Variants in ZNF831 observed in about 807,000 individuals in gnomAD.
The protein encoded by ZNF831 is chromosome 20 open reading frame 174.
ZNF831 carries 59 observed loss-of-function variants against 95.8 expected under a neutral mutation model. The ratio of observed to expected loss-of-function variants is 0.62; its 90% confidence interval spans 0.50 to 0.77. ZNF831 has a LOEUF of 0.77. ZNF831 is among the 30% of genes least tolerant of loss of function. The probability of loss-of-function intolerance (pLI) is 0.00; values close to 1 mark genes in which losing one functional copy is unlikely to be tolerated. For synonymous variants in ZNF831, 961 were observed against 925.5 expected (o/e 1.04, Z -0.70); for missense variants, 2,205 against 2,164.0 (o/e 1.02, Z -0.38).
chr20:59,244,769 G>A lies in ZNF831; in HGVS notation c.4028-8209G>A, dbSNP rs572632833. ...AATTCTTTTCTTCTTAATATGTTTT[G>A]TATATAACTCTAGGCCGATACGTAT... On this transcript the variant is annotated intron_variant, in intron 4 of 5. Coordinates refer to ENST00000371030, the MANE Select transcript of ZNF831 (RefSeq NM_178457.3). Among the ~76,000 whole-genome samples, 25 of 152,246 alleles carry A rather than the reference G, an allele frequency of 1.6e-4. 2 individuals carry two copies. The South Asian group carries it at 5.2e-3, about 32-fold the overall frequency.
chr20:59,192,161 C>CG lies in ZNF831; in HGVS notation c.1146dup (p.Pro383AlafsTer73). The CG allele has an allele frequency of 1.3e-6, 2 of 1,559,232 alleles. No individual in the cohort carries two copies. Among genetic ancestry groups the CG allele is most frequent in the Non-Finnish European group, 1.7e-6 (2 of 1,158,718 alleles). The stretch of plus-strand genomic sequence containing the variant: ...TCCGAGGGGGAGGGCGGCCCGGGCC[C>CG]GGGGCCAGGGGTCGCAGGGGCCGAG... On this transcript the variant is annotated frameshift_variant, in exon 2 of 6. Coordinates refer to ENST00000371030, the MANE Select transcript of ZNF831 (RefSeq NM_178457.3). LOFTEE classifies it high-confidence loss of function. The surrounding 1 kb of genome is among the most constrained non-coding windows in gnomAD (Gnocchi z 5.2).
chr20:59,176,977 C>T (rs1982217140), intron 1 of ZNF831, among the ~76,000 whole-genome samples: 1 of 150,876 alleles, frequency 6.6e-6, no homozygotes, highest in African/African-American at 2.5e-5. Context: ...GATAAACCTC[C>T]AACACAGCCA....
intron 3 of ZNF831, among the ~76,000 whole-genome samples, chr20:59,197,144 C>T (rs965945963): frequency 6.6e-6 from 1 of 152,102 alleles, no homozygotes; most frequent in East Asian, 1.9e-4. Flanking sequence ...CTAACTTTCC[C>T]CTGTAGCTGC....
At chr20:59,142,986 A>T (rs1979729694) in intron 1 of ZNF831, among the ~76,000 whole-genome samples, 1 of 152,054 alleles carries the variant, frequency 6.6e-6, no homozygotes, top group Admixed American at 6.5e-5. Flanking sequence ...AACCTCGACC[A>T]CCACCTAGGC....
chr20:59,248,609 C>G (rs1331167053), intron 4 of ZNF831, among the ~76,000 whole-genome samples: 1 of 152,160 alleles, frequency 6.6e-6, no homozygotes, highest in Non-Finnish European at 1.5e-5. Context: ...TTTGGCCAAT[C>G]TGATTATTTT....
rs143199264 is a variant in ZNF831 at position 59,165,208 on chromosome 20, T to C, written c.-37+1001T>C. ...GCAGGGTTACCCAAAAGCACCTGCC[T>C]AGGGGAAATGGGCTCACTATCAGGC... On this transcript the variant is annotated intron_variant, in intron 1 of 5. Transcript: ENST00000371030. Among the ~76,000 whole-genome samples the C allele has an allele frequency of 9.1e-4, 138 of 152,272 alleles. 1 individual carries two copies. The highest frequency in any genetic ancestry group is 3.1e-3 in the African/African-American group (129 of 41,546).
At chr20:59,181,765 C>T (rs140096294) in intron 1 of ZNF831, among the ~76,000 whole-genome samples, 1,840 of 124,136 alleles carry the variant, frequency 0.015, 45 homozygotes, top group Admixed American at 0.024. Context: ...GTTTTGGTTA[C>T]TGTAGCCTTG....
chr20:59,205,322 A>G (rs1177602960), intron 3 of ZNF831, among the ~76,000 whole-genome samples: 1 of 152,174 alleles, frequency 6.6e-6, no homozygotes, highest in Non-Finnish European at 1.5e-5. Context: ...ACCCTGGCTC[A>G]GATAGCTCTT....
At chr20:59,250,280 A>T (rs1422914418) in intron 4 of ZNF831, among the ~76,000 whole-genome samples, 4 of 152,204 alleles carry the variant, frequency 2.6e-5, no homozygotes, top group Non-Finnish European at 5.9e-5. Context: ...ATGAGCCCCC[A>T]GAATCTCTTC....
At chr20:59,244,079 G>GT (rs995358989) in intron 4 of ZNF831, among the ~76,000 whole-genome samples, 4 of 151,894 alleles carry the variant, frequency 2.6e-5, no homozygotes, top group Non-Finnish European at 4.4e-5. Flanking sequence ...CACTAAAAAT[G>GT]TTTTTTTGGA....
chr20:59,222,746 G>C (rs971543263), intron 4 of ZNF831, among the ~76,000 whole-genome samples: 2 of 152,202 alleles, frequency 1.3e-5, no homozygotes, highest in South Asian at 2.1e-4. Flanking sequence ...GGCGCAGCAC[G>C]GCCTGGAGTC....
chr20:59,211,782 T>C (rs997879547), intron 4 of ZNF831, among the ~76,000 whole-genome samples: 5 of 144,934 alleles, frequency 3.4e-5, no homozygotes, highest in African/African-American at 5.3e-5. Flanking sequence ...GCTGACCTTG[T>C]GTGTGTGTGT....
At chr20:59,126,331 G>A (rs1033537759) in intron 1 of ZNF831, among the ~76,000 whole-genome samples, 4 of 152,194 alleles carry the variant, frequency 2.6e-5, no homozygotes, top group African/African-American at 4.8e-5. Context: ...CAGCCATTCA[G>A]AAGTGCTGGC....
chr20:59,227,569 G>A (rs1476310663), intron 4 of ZNF831, among the ~76,000 whole-genome samples: 1 of 152,202 alleles, frequency 6.6e-6, no homozygotes, highest in Non-Finnish European at 1.5e-5. Flanking sequence ...GGATATTTGG[G>A]AGCAACTCTA....
intron 2 of ZNF831, among the ~76,000 whole-genome samples, chr20:59,157,210 C>G (rs981959909): frequency 5.6e-4 from 85 of 152,296 alleles, no homozygotes; most frequent in African/African-American, 2.0e-3. Flanking sequence ...CCCCACTTTC[C>G]CGCCCACTCC....
intron 4 of ZNF831, among the ~76,000 whole-genome samples, chr20:59,238,425 T>C (rs1987123774): frequency 6.6e-6 from 1 of 152,214 alleles, no homozygotes; most frequent in Non-Finnish European, 1.5e-5. Context: ...ATGTGGTCTC[T>C]GCCCACCCCT....
rs767617884 is a variant in ZNF831 at position 59,253,127 on chromosome 20, C to T, written c.4177C>T (p.Arg1393Ter). 5 of 1,613,980 alleles carry T rather than the reference C, an allele frequency of 3.1e-6. No homozygotes were observed. The highest frequency in any genetic ancestry group is 2.2e-5 in the South Asian group (2 of 91,066). ...SSRIVREMDK[R>*]TVKDISPSAG... Reference sequence around the variant, plus strand: ...AAGAATTGTCAGGGAAATGGACAAACGAACTGTGAAGGTGGGCATGATGAT... The same window carrying T: ...AAGAATTGTCAGGGAAATGGACAAATGAACTGTGAAGGTGGGCATGATGAT... Residue 1393 changes from arginine (R) to a stop codon, truncating the protein, a stop_gained, in exon 5 of 6, where the codon CGA (arginine) becomes TGA (stop). Transcript: ENST00000371030. LOFTEE classifies it low-confidence loss of function (END_TRUNC).
At chr20:59,171,810 C>T (rs1981759499) in intron 1 of ZNF831, among the ~76,000 whole-genome samples, 1 of 152,216 alleles carries the variant, frequency 6.6e-6, no homozygotes, top group Non-Finnish European at 1.5e-5. Context: ...TAGTTCATAT[C>T]TGTGACTTTC....
intron 2 of ZNF831, among the ~76,000 whole-genome samples, chr20:59,154,183 G>T (rs1255098229): frequency 1.3e-5 from 2 of 152,146 alleles, no homozygotes; most frequent in Non-Finnish European, 2.9e-5. Flanking sequence ...TTTGGCAGTG[G>T]GGAGATCACT....
Sources: allele counts gnomAD v4.1 joint callset (sites outside exome capture counted in the v4.1 genomes callset), GRCh38; gene constraint gnomAD v4.1.1; non-coding constraint Gnocchi (gnomAD v3.1); transcripts MANE v1.5; gene names NCBI Gene and HGNC (gene_info 2026-07-23, HGNC 2026-07-21).